FILIP1L: variants seen among roughly 807,000 people sequenced by gnomAD.
FILIP1L encodes filamin A interacting protein 1 like.
In FILIP1L, 55 loss-of-function variants were observed where a neutral mutation model predicts 96.6. The ratio of observed to expected loss-of-function variants is 0.57; its 90% CI spans 0.46 to 0.71. The LOEUF (loss-of-function observed/expected upper bound fraction) is 0.71, where lower values mean the gene tolerates loss of function less well. Ranked by LOEUF, FILIP1L falls within the 30% of genes least tolerant of loss-of-function variation. FILIP1L has a pLI of 0.00. For missense variants in FILIP1L, 1,304 were observed against 1,321.2 expected, an observed-to-expected ratio of 0.99 and a Z score of 0.20; for synonymous variants, 467 against 473.9, an observed-to-expected ratio of 0.99 and a Z score of 0.19.
At chr3:100,022,453 A>G (rs931100481) in intron 1 of FILIP1L, among the ~76,000 whole-genome samples, 1 of 152,218 alleles carries the variant, frequency 6.6e-6, no homozygotes, top group Non-Finnish European at 1.5e-5. Context: ...CCTGCAGTTC[A>G]ACAATTGCAC....
chr3:99,877,646 T>C (rs1705579720), intron 4 of FILIP1L, among the ~76,000 whole-genome samples: 1 of 152,242 alleles, frequency 6.6e-6, no homozygotes, highest in South Asian at 2.1e-4. Context: ...ATGTTGAGTT[T>C]GTAGTTTTGT....
intron 1 of FILIP1L, among the ~76,000 whole-genome samples, chr3:99,971,079 T>A (rs923763898): frequency 2.6e-5 from 4 of 152,216 alleles, no homozygotes. Flanking sequence ...GGCTCACGCC[T>A]GTAATCCCAG....
intron 1 of FILIP1L, among the ~76,000 whole-genome samples, chr3:99,942,685 C>A (rs759272168): frequency 8.6e-5 from 13 of 151,780 alleles, no homozygotes; most frequent in Non-Finnish European, 1.5e-4. Flanking sequence ...TATAACTAGC[C>A]GGGCATGGTG....
At chr3:100,005,099 G>A (rs1709951253) in intron 1 of FILIP1L, among the ~76,000 whole-genome samples, 1 of 152,188 alleles carries the variant, frequency 6.6e-6, no homozygotes, top group Admixed American at 6.5e-5. Context: ...TTATGAATAG[G>A]AAAGCCAGCT....
chr3:100,055,949 G>A (rs1420532047), intron 1 of FILIP1L, among the ~76,000 whole-genome samples: 2 of 152,140 alleles, frequency 1.3e-5, no homozygotes, highest in African/African-American at 2.4e-5. Flanking sequence ...TTGTATTATA[G>A]ATAACACTTG....
chr3:99,929,511 A>AGTGTGTGT (rs1252520553), intron 3 of FILIP1L, among the ~76,000 whole-genome samples: 1 of 123,944 alleles, frequency 8.1e-6, no homozygotes, highest in South Asian at 2.8e-4. Context: ...GCAAGTTCCC[A>AGTGTGTGT]GAGTGTGTGT....
chr3:99,955,392 G>A (rs545087586), intron 1 of FILIP1L, among the ~76,000 whole-genome samples: 1 of 152,152 alleles, frequency 6.6e-6, no homozygotes, highest in East Asian at 1.9e-4. Flanking sequence ...GAAAACAAAG[G>A]CTAGATAATT....
Position 99,902,011 on chromosome 3 carries a change from G to A in FILIP1L, c.605+22219C>T, listed in dbSNP as rs1230019983. 2.0e-5 allele frequency among the ~76,000 whole-genome samples: 3 copies of A among 152,018 alleles called. No homozygotes were observed. The East Asian group carries it at 5.8e-4, about 29-fold the overall frequency. On this transcript the variant is annotated intron_variant, in intron 4 of 5. Coordinates refer to ENST00000477258, the MANE Select transcript of FILIP1L (RefSeq NM_001387850.1). ...TTTTTTCATTAATTTCCTATAATCTGCCAGTAATATATGAGGTCTTACAAG... is the reference window on the plus strand; with the variant it reads ...TTTTTTCATTAATTTCCTATAATCTACCAGTAATATATGAGGTCTTACAAG...
At chr3:100,022,513 A>G (rs770834682) in intron 1 of FILIP1L, among the ~76,000 whole-genome samples, 1 of 152,208 alleles carries the variant, frequency 6.6e-6, no homozygotes, top group East Asian at 1.9e-4. Flanking sequence ...AATCACACAT[A>G]TATCTTATAT....
rs985420471 is a variant in FILIP1L at position 99,990,495 on chromosome 3, A to G, written c.-10-59465T>C. Among the ~76,000 whole-genome samples, 4 of 152,232 alleles carry G rather than the reference A, an allele frequency of 2.6e-5. No homozygotes were observed. The East Asian group carries it at 7.7e-4, about 29-fold the overall frequency. ...TACACCTTCTCTCAACTTAAAGTCAAACTAACAAATGTGTATTAAATGAAT... is the reference window on the plus strand; with the variant it reads ...TACACCTTCTCTCAACTTAAAGTCAGACTAACAAATGTGTATTAAATGAAT... On this transcript the variant is annotated intron_variant, in intron 1 of 5. Transcript: ENST00000477258.
chr3:100,039,495 A>T (rs562691825), intron 1 of FILIP1L, among the ~76,000 whole-genome samples: 1 of 152,308 alleles, frequency 6.6e-6, no homozygotes, highest in East Asian at 1.9e-4. Context: ...AGTAAAATTT[A>T]TTTCAAATTA....
At chr3:99,979,153 A>G (rs1709050148) in intron 1 of FILIP1L, among the ~76,000 whole-genome samples, 2 of 152,242 alleles carry the variant, frequency 1.3e-5, no homozygotes, top group Non-Finnish European at 2.9e-5. Flanking sequence ...TGATTTGATC[A>G]TTACACACTG....
At chr3:99,955,084 G>A (rs886834785) in intron 1 of FILIP1L, among the ~76,000 whole-genome samples, 8 of 152,164 alleles carry the variant, frequency 5.3e-5, no homozygotes, top group Admixed American at 4.6e-4. Context: ...CAAGTGCTGG[G>A]TAATTTGTCT....
intron 4 of FILIP1L, among the ~76,000 whole-genome samples, chr3:99,916,437 TACACACACACACACACACACAC>T (rs10529210): frequency 1.2e-4 from 17 of 137,068 alleles, no homozygotes; most frequent in Admixed American, 5.9e-4. Context: ...TAACGGTTTA[TACACACACACACACACACACAC>T]ACACACACAC....
chr3:99,900,484 T>C (rs577251957), intron 4 of FILIP1L, among the ~76,000 whole-genome samples: 8 of 152,180 alleles, frequency 5.3e-5, no homozygotes, highest in Admixed American at 3.3e-4. Context: ...TCAGATGAGA[T>C]AGAGTGCGTT....
intron 4 of FILIP1L, among the ~76,000 whole-genome samples, chr3:99,879,598 A>G (rs1181834832): frequency 6.6e-6 from 1 of 152,194 alleles, no homozygotes; most frequent in Non-Finnish European, 1.5e-5. Flanking sequence ...CCAAAGAAGC[A>G]GTAATTAATA....
At chr3:100,089,888 T>G (rs2066073904) in intron 1 of FILIP1L, among the ~76,000 whole-genome samples, 1 of 152,218 alleles carries the variant, frequency 6.6e-6, no homozygotes, top group African/African-American at 2.4e-5. Flanking sequence ...TGTCTTCCGT[T>G]TCCTAGGCTG....
At position 99,849,841 on chromosome 3, in the gene FILIP1L, C is replaced by T. The variant is rs751830028; in HGVS notation, c.1835G>A (p.Gly612Glu). 1 of 1,610,786 alleles carries T rather than the reference C, an allele frequency of 6.2e-7. No homozygotes were observed. The highest frequency in any genetic ancestry group is 1.1e-5 in the South Asian group (1 of 90,246). Residue 612 changes from glycine to glutamate, a missense_variant, in exon 5 of 6, where the codon GGG (glycine) becomes GAG (glutamate). Gly to Glu is a moderately conservative substitution (Grantham distance 98). Transcript: ENST00000477258. Reference sequence around the variant, plus strand: ...TTGGTGTAATGCTGTTGTGGATTTCCCAGAGTCTTGATTTAATTTGTTTTT... The same window carrying T: ...TTGGTGTAATGCTGTTGTGGATTTCTCAGAGTCTTGATTTAATTTGTTTTT... Reference protein sequence around the residue: ...FLKNKLNQDSGKSTTALHQEN... With the variant: ...FLKNKLNQDSEKSTTALHQEN...
chr3:100,015,655 A>G (rs1317723202), intron 1 of FILIP1L, among the ~76,000 whole-genome samples: 2 of 152,206 alleles, frequency 1.3e-5, no homozygotes, highest in African/African-American at 4.8e-5. Context: ...GCTGTGACTG[A>G]AATTACAGAA....
Sources: allele counts gnomAD v4.1 joint callset (sites outside exome capture counted in the v4.1 genomes callset), GRCh38; gene constraint gnomAD v4.1.1; transcripts MANE v1.5; gene names NCBI Gene and HGNC (gene_info 2026-07-23, HGNC 2026-07-21).